DLG2: variants seen among roughly 807,000 people sequenced by gnomAD.
DLG2 encodes disks large homolog 2.
In DLG2, 45 loss-of-function variants were observed where a neutral mutation model predicts 132.5. The observed-to-expected ratio is 0.34, with a 90% CI of 0.27 to 0.44. The LOEUF (loss-of-function observed/expected upper bound fraction) is 0.44, where lower values mean the gene tolerates loss of function less well. DLG2 is among the 20% of genes least tolerant of loss of function. The probability of loss-of-function intolerance (pLI) is 1.00; values close to 1 mark genes in which losing one functional copy is unlikely to be tolerated. For missense variants in DLG2, 1,045 were observed against 1,196.9 expected, an observed-to-expected ratio of 0.87 and a Z score of 1.87; for synonymous variants, 424 against 419.6, an observed-to-expected ratio of 1.01 and a Z score of -0.13.
chr11:83,929,650 A>G (rs541633042), intron 15 of DLG2, among the ~76,000 whole-genome samples: 20 of 152,336 alleles, frequency 1.3e-4, no homozygotes, highest in African/African-American at 4.1e-4. Flanking sequence ...TTTATTGGCA[A>G]GATCATACTG....
intron 11 of DLG2, among the ~76,000 whole-genome samples, chr11:84,047,298 T>G (rs921906550): frequency 4.6e-5 from 7 of 151,682 alleles, no homozygotes; most frequent in African/African-American, 1.4e-4. Flanking sequence ...ATATTTCCTT[T>G]TAAAAAAGTA....
In DLG2 at chr11:84,787,487, C is replaced by T. The variant is rs143939610; in HGVS notation, c.358-252756G>A. 4.8e-3 allele frequency among the ~76,000 whole-genome samples: 726 copies of T among 152,160 alleles called. 6 individuals carry two copies. The highest frequency in any genetic ancestry group is 0.017 in the African/African-American group (709 of 41,516). ...CTCCACTACAAAGTTTTTCTGAAAT[C>T]CCTCTCTCTACTCCATCTCTACTAT... On this transcript the variant is annotated intron_variant, in intron 6 of 27. Transcript: ENST00000376104.
intron 15 of DLG2, among the ~76,000 whole-genome samples, chr11:83,879,221 G>C (rs1350658744): frequency 6.6e-6 from 1 of 152,086 alleles, no homozygotes; most frequent in Non-Finnish European, 1.5e-5. Flanking sequence ...AGGATAAGTG[G>C]TTTTTCCAAT....
In DLG2 at chr11:84,642,385, G is replaced by A. The variant is rs182319715; in HGVS notation, c.358-107654C>T. 2.6e-5 allele frequency among the ~76,000 whole-genome samples: 4 copies of A among 152,060 alleles called. No homozygotes were observed. In the East Asian group the frequency reaches 7.7e-4, roughly 29 times the overall value. ...TTGCATAGGAATAAATTTGTATGGA[G>A]TATAAATCAAATCCAGATACATATT... On this transcript the variant is annotated intron_variant, in intron 6 of 27. Coordinates refer to ENST00000376104, the MANE Select transcript of DLG2 (RefSeq NM_001142699.3).
intron 18 of DLG2, among the ~76,000 whole-genome samples, chr11:83,778,200 C>T (rs957439697): frequency 6.6e-6 from 1 of 152,066 alleles, no homozygotes; most frequent in African/African-American, 2.4e-5. Flanking sequence ...TTCTCTAACA[C>T]CCTGAAATTC....
intron 21 of DLG2, among the ~76,000 whole-genome samples, chr11:83,498,580 T>C (rs2094275358): frequency 6.6e-6 from 1 of 151,304 alleles, no homozygotes; most frequent in Non-Finnish European, 1.5e-5. Flanking sequence ...CTTATAGCCA[T>C]ATATGTCTAT....
In DLG2 at chr11:84,538,421, C is replaced by T. The variant is rs2099360603; in HGVS notation, c.358-3690G>A. Among the ~76,000 whole-genome samples, 3 of 152,178 alleles carry T rather than the reference C, an allele frequency of 2.0e-5. 1 individual carries two copies. In the South Asian group the frequency reaches 6.2e-4, roughly 32 times the overall value. ...AACATTACCCTTAGGTGATTGAAGC[C>T]TCCTCTCTTGGATGTCCACAGGAGT... On this transcript the variant is annotated intron_variant, in intron 6 of 27. Coordinates refer to ENST00000376104, the MANE Select transcript of DLG2 (RefSeq NM_001142699.3).
intron 5 of DLG2, among the ~76,000 whole-genome samples, chr11:85,117,494 C>T (rs916588478): frequency 4.6e-5 from 7 of 151,716 alleles, no homozygotes; most frequent in Non-Finnish European, 8.8e-5. Flanking sequence ...ATGTCAGGTT[C>T]GGAAGGCAAA....
chr11:84,111,573 G>C (rs1036504192), intron 9 of DLG2, among the ~76,000 whole-genome samples: 2 of 152,206 alleles, frequency 1.3e-5, no homozygotes, highest in African/African-American at 4.8e-5. Context: ...TTGCATGATT[G>C]AGCTAATAAG....
chr11:83,756,449 AAAC>A (rs2093650166), intron 18 of DLG2, among the ~76,000 whole-genome samples: 1 of 151,536 alleles, frequency 6.6e-6, no homozygotes, highest in Admixed American at 6.6e-5. Context: ...CAAACAAACA[AAAC>A]AATAAGAACT....
intron 7 of DLG2, among the ~76,000 whole-genome samples, chr11:84,345,628 G>GATTCT (rs1555515851): frequency 1.3e-5 from 2 of 152,012 alleles, no homozygotes; most frequent in African/African-American, 4.8e-5. Context: ...CACAATCTAT[G>GATTCT]TTTCTTTTCT....
intron 5 of DLG2, among the ~76,000 whole-genome samples, chr11:85,144,234 A>C (rs574989126): frequency 6.6e-6 from 1 of 151,908 alleles, no homozygotes; most frequent in South Asian, 2.1e-4. Flanking sequence ...TATCTGATAT[A>C]GGTATAGCTA....
chr11:85,233,181 A>T (rs547366643), intron 4 of DLG2, among the ~76,000 whole-genome samples: 1 of 151,520 alleles, frequency 6.6e-6, no homozygotes, highest in South Asian at 2.1e-4. Flanking sequence ...TCTTGGTGCT[A>T]TTTCCCACCT....
chr11:84,608,832 C>A (rs1009815060), intron 6 of DLG2, among the ~76,000 whole-genome samples: 2 of 152,188 alleles, frequency 1.3e-5, no homozygotes, highest in African/African-American at 4.8e-5. Flanking sequence ...ATATGCCAAG[C>A]ACTGTTTCAA....
At chr11:84,678,965 A>G (rs549166507) in intron 6 of DLG2, among the ~76,000 whole-genome samples, 16 of 152,102 alleles carry the variant, frequency 1.1e-4, no homozygotes, top group Middle Eastern at 3.2e-3. Context: ...TTCTACATAA[A>G]AAAGTTCCTA....
chr11:85,572,633 T>G (rs2077909417), intron 3 of DLG2, among the ~76,000 whole-genome samples: 1 of 152,186 alleles, frequency 6.6e-6, no homozygotes, highest in African/African-American at 2.4e-5. Flanking sequence ...ATTCAAGATT[T>G]CCTTCTGGGA....
intron 4 of DLG2, among the ~76,000 whole-genome samples, chr11:85,258,263 AT>A (rs2076767959): frequency 6.6e-6 from 1 of 152,150 alleles, no homozygotes; most frequent in South Asian, 2.1e-4. Flanking sequence ...CCTCTCCACT[AT>A]TTCTTATCCC....
chr11:84,463,228 T>C (rs1295283729), intron 7 of DLG2, among the ~76,000 whole-genome samples: 1 of 151,164 alleles, frequency 6.6e-6, no homozygotes, highest in Non-Finnish European at 1.5e-5. Context: ...TGTCTTTTCC[T>C]CAGACAGAGG....
intron 3 of DLG2, among the ~76,000 whole-genome samples, chr11:85,517,108 A>G (rs1009216630): frequency 2.6e-5 from 4 of 152,180 alleles, no homozygotes; most frequent in Non-Finnish European, 5.9e-5. Flanking sequence ...CAGAGATGCA[A>G]GAGTATTTCA....
Sources: allele counts gnomAD v4.1 joint callset (sites outside exome capture counted in the v4.1 genomes callset), GRCh38; gene constraint gnomAD v4.1.1; transcripts MANE v1.5; gene names NCBI Gene and HGNC (gene_info 2026-07-23, HGNC 2026-07-21).